The following LRMDA variants were observed in gnomAD, a reference collection of about 807,000 sequenced individuals.
LRMDA encodes leucine-rich melanocyte differentiation-associated protein.
LRMDA carries 18 observed loss-of-function variants against 29.8 expected under a neutral mutation model. The observed-to-expected ratio is 0.60, with a 90% confidence interval of 0.42 to 0.90. The LOEUF (loss-of-function observed/expected upper bound fraction) is 0.90. Ranked by LOEUF, LRMDA falls within the 40% of genes least tolerant of loss-of-function variation. The pLI, the probability that LRMDA is intolerant of heterozygous loss-of-function variation, is 0.00. For synonymous variants in LRMDA, 125 were observed against 109.4 expected, an observed-to-expected ratio of 1.14 and a Z score of -0.89; for missense variants, 273 against 273.9, an observed-to-expected ratio of 1.00 and a Z score of 0.02.
At chr10:76,159,434 G>A (rs1230235651) in intron 5 of LRMDA, among the ~76,000 whole-genome samples, 1 of 152,136 alleles carries the variant, frequency 6.6e-6, no homozygotes, top group African/African-American at 2.4e-5. Flanking sequence ...ATCTCTGGAG[G>A]GGAAACAAAA....
chr10:75,515,747 C>T (rs895765384), intron 2 of LRMDA, among the ~76,000 whole-genome samples: 1 of 151,924 alleles, frequency 6.6e-6, no homozygotes, highest in Admixed American at 6.6e-5. Flanking sequence ...TACACGTGCA[C>T]AATGTGCAGG....
chr10:76,295,602 GT>G (rs1476813923), intron 5 of LRMDA, among the ~76,000 whole-genome samples: 1 of 152,206 alleles, frequency 6.6e-6, no homozygotes, highest in African/African-American at 2.4e-5. Flanking sequence ...TTTTGTGGTA[GT>G]GTCACGGACA....
chr10:76,386,913 CA>C (rs1841666465), intron 6 of LRMDA, among the ~76,000 whole-genome samples: 1 of 151,820 alleles, frequency 6.6e-6, no homozygotes, highest in African/African-American at 2.4e-5. Flanking sequence ...TGTGATTATA[CA>C]AAACTAGAAA....
intron 5 of LRMDA, among the ~76,000 whole-genome samples, chr10:76,274,709 A>G (rs562464584): frequency 9.8e-5 from 15 of 152,308 alleles, no homozygotes; most frequent in African/African-American, 3.6e-4. Context: ...AAATTAGATC[A>G]ACAATCACTG....
At chr10:76,172,397 T>G (rs1318973775) in intron 5 of LRMDA, among the ~76,000 whole-genome samples, 2 of 152,188 alleles carry the variant, frequency 1.3e-5, no homozygotes, top group Non-Finnish European at 2.9e-5. Context: ...AGAGTATATC[T>G]AGACTGCAGT....
chr10:76,313,874 G>T (rs1213075094), intron 5 of LRMDA, among the ~76,000 whole-genome samples: 1 of 151,910 alleles, frequency 6.6e-6, no homozygotes, highest in East Asian at 1.9e-4. Context: ...ATCTGTGGTT[G>T]CAACTGATGA....
intron 5 of LRMDA, among the ~76,000 whole-genome samples, chr10:76,304,642 A>G (rs1389259297): frequency 6.6e-6 from 1 of 152,194 alleles, no homozygotes; most frequent in Admixed American, 6.5e-5. Context: ...CTTGGAGGCC[A>G]GGGAATGCTA....
chr10:75,503,543 A>G (rs7074619), intron 2 of LRMDA, among the ~76,000 whole-genome samples: 3,846 of 151,946 alleles, frequency 0.025, 165 homozygotes, highest in African/African-American at 0.083. Flanking sequence ...TAGGCTAATA[A>G]AATATTAGTG....
At chr10:75,826,633 T>C (rs1844251128) in intron 2 of LRMDA, among the ~76,000 whole-genome samples, 1 of 152,240 alleles carries the variant, frequency 6.6e-6, no homozygotes, top group Admixed American at 6.5e-5. Flanking sequence ...GTGGGCAGAT[T>C]AATGCACTTT....
intron 2 of LRMDA, among the ~76,000 whole-genome samples, chr10:76,027,248 G>T (rs1848077652): frequency 6.6e-6 from 1 of 152,106 alleles, no homozygotes; most frequent in African/African-American, 2.4e-5. Flanking sequence ...GAGTGGATTG[G>T]GATCAGATTT....
intron 2 of LRMDA, among the ~76,000 whole-genome samples, chr10:75,821,093 G>T (rs1235492769): frequency 1.3e-5 from 2 of 152,136 alleles, no homozygotes; most frequent in Non-Finnish European, 2.9e-5. Flanking sequence ...ATACAAGGAA[G>T]AACTAATACC....
At chr10:76,350,970 T>C (rs920933013) in intron 6 of LRMDA, among the ~76,000 whole-genome samples, 1 of 152,044 alleles carries the variant, frequency 6.6e-6, no homozygotes, top group African/African-American at 2.4e-5. Context: ...TAAATCTCTA[T>C]TAAAAACCAC....
intron 2 of LRMDA, among the ~76,000 whole-genome samples, chr10:75,555,815 C>A (rs866059819): frequency 2.0e-5 from 3 of 151,964 alleles, no homozygotes; most frequent in Non-Finnish European, 4.4e-5. Context: ...TATAAGTGTG[C>A]CCAAGGACAT....
At chr10:76,511,164 A>G (rs1277038602) in intron 6 of LRMDA, among the ~76,000 whole-genome samples, 5 of 152,176 alleles carry the variant, frequency 3.3e-5, no homozygotes, top group Non-Finnish European at 5.9e-5. Context: ...GTGTATGGAA[A>G]CATTTATTAT....
At chr10:75,587,646 G>A (rs1358637377) in intron 2 of LRMDA, among the ~76,000 whole-genome samples, 2 of 152,172 alleles carry the variant, frequency 1.3e-5, no homozygotes, top group East Asian at 3.8e-4. Flanking sequence ...ATGACGTACT[G>A]GTCAAACCTT....
intron 6 of LRMDA, among the ~76,000 whole-genome samples, chr10:76,503,041 T>C (rs1272632848): frequency 6.6e-6 from 1 of 152,012 alleles, no homozygotes; most frequent in Non-Finnish European, 1.5e-5. Flanking sequence ...TTGTCATAGA[T>C]GGCTCTTATT....
intron 2 of LRMDA, among the ~76,000 whole-genome samples, chr10:75,483,790 A>T (rs1356699548): frequency 2.0e-5 from 3 of 148,532 alleles, no homozygotes; most frequent in African/African-American, 7.4e-5. Flanking sequence ...CATATGAAAA[A>T]AATCATTTTG....
At chr10:76,364,687 A>T (rs2132449806) in intron 6 of LRMDA, among the ~76,000 whole-genome samples, 1 of 152,168 alleles carries the variant, frequency 6.6e-6, no homozygotes, top group South Asian at 2.1e-4. Flanking sequence ...AGATGCAATA[A>T]TATGAAAACC....
intron 2 of LRMDA, among the ~76,000 whole-genome samples, chr10:75,513,129 A>T (rs541729442): frequency 6.6e-6 from 1 of 152,198 alleles, no homozygotes; most frequent in African/African-American, 2.4e-5. Flanking sequence ...CACCAGGGCC[A>T]TCTGACTTGA....
Sources: gnomAD v4.1 joint callset for allele counts (sites outside exome capture counted in the v4.1 genomes callset) on GRCh38, gnomAD v4.1.1 for gene constraint, MANE v1.5 for transcripts, NCBI Gene and HGNC (gene_info 2026-07-23, HGNC 2026-07-21) for gene names.